VEGFC: variants seen among roughly 807,000 people sequenced by gnomAD.
The protein encoded by VEGFC is vascular endothelial growth factor C.
VEGFC carries 12 observed loss-of-function variants against 46.1 expected under a neutral mutation model. That is an observed-to-expected ratio of 0.26 (90% CI 0.17 to 0.42). The LOEUF is 0.42. VEGFC is among the 10% of genes least tolerant of loss of function. VEGFC has a pLI of 1.00. For missense variants in VEGFC, 488 were observed against 529.4 expected, an observed-to-expected ratio of 0.92 and a Z score of 0.77; for synonymous variants, 232 against 195.5, an observed-to-expected ratio of 1.19 and a Z score of -1.56.
intron 1 of VEGFC, among the ~76,000 whole-genome samples, chr4:176,781,507 A>G (rs186232864): frequency 6.6e-6 from 1 of 152,374 alleles, no homozygotes; most frequent in African/African-American, 2.4e-5. Flanking sequence ...ATAGCCTCGC[A>G]TCTGGTATCT....
chr4:176,762,005 C>T (rs924324523), intron 1 of VEGFC, among the ~76,000 whole-genome samples: 3 of 152,098 alleles, frequency 2.0e-5, no homozygotes, highest in African/African-American at 7.2e-5. Context: ...TCTGTGCCAG[C>T]GAAGCTCAGG....
At chr4:176,691,197 G>A (rs1560934192) in intron 4 of VEGFC, among the ~76,000 whole-genome samples, 2 of 152,044 alleles carry the variant, frequency 1.3e-5, no homozygotes, top group African/African-American at 4.8e-5. Flanking sequence ...ATGGATAGAG[G>A]TTTAGTAAAA....
At chr4:176,750,394 TAG>T (rs1735322444) in intron 1 of VEGFC, among the ~76,000 whole-genome samples, 1 of 151,476 alleles carries the variant, frequency 6.6e-6, no homozygotes, top group African/African-American at 2.4e-5. Context: ...AAGTTTAAAA[TAG>T]AGACTGAAGA....
chr4:176,686,964 C>T (rs1016145540), intron 6 of VEGFC, among the ~76,000 whole-genome samples: 2 of 152,124 alleles, frequency 1.3e-5, no homozygotes, highest in Non-Finnish European at 2.9e-5. Context: ...ATATTCTGAG[C>T]TTGGATCTAA....
chr4:176,692,695 C>T (rs2110973048), intron 4 of VEGFC, among the ~76,000 whole-genome samples: 1 of 149,266 alleles, frequency 6.7e-6, no homozygotes, highest in Admixed American at 6.6e-5. Flanking sequence ...AACAAAAAGA[C>T]AGAAGTAACT....
chr4:176,742,404 G>T (rs970362534), intron 1 of VEGFC, among the ~76,000 whole-genome samples: 4 of 151,944 alleles, frequency 2.6e-5, no homozygotes, highest in Non-Finnish European at 4.4e-5. Flanking sequence ...GAGTGCAGAT[G>T]TCTGTTTGAC....
intron 3 of VEGFC, among the ~76,000 whole-genome samples, chr4:176,718,140 G>A (rs1220213136): frequency 6.6e-6 from 1 of 152,090 alleles, no homozygotes; most frequent in African/African-American, 2.4e-5. Flanking sequence ...TGTTCTTAAG[G>A]CAAATGTTAT....
chr4:176,757,692 C>A (rs1735459099), intron 1 of VEGFC, among the ~76,000 whole-genome samples: 1 of 151,892 alleles, frequency 6.6e-6, no homozygotes, highest in Non-Finnish European at 1.5e-5. Flanking sequence ...TCTAGTTGAA[C>A]ATACCGTCTG....
chr4:176,762,846 G>C (rs1430098479), intron 1 of VEGFC, among the ~76,000 whole-genome samples: 1 of 152,178 alleles, frequency 6.6e-6, no homozygotes, highest in South Asian at 2.1e-4. Context: ...GAACTTGACA[G>C]TTTAACAGGC....
At chr4:176,776,776 C>T (rs1735820304) in intron 1 of VEGFC, among the ~76,000 whole-genome samples, 1 of 152,154 alleles carries the variant, frequency 6.6e-6, no homozygotes, top group Non-Finnish European at 1.5e-5. Context: ...AAATTGTTAA[C>T]ATTCATAAAG....
intron 4 of VEGFC, among the ~76,000 whole-genome samples, chr4:176,694,652 C>T (rs1734274290): frequency 2.0e-5 from 3 of 151,048 alleles, no homozygotes; most frequent in Admixed American, 1.3e-4. Flanking sequence ...ACAGAACTCT[C>T]CACCCCAAAT....
chr4:176,758,354 C>G (rs1735469226), intron 1 of VEGFC, among the ~76,000 whole-genome samples: 1 of 152,250 alleles, frequency 6.6e-6, no homozygotes. Flanking sequence ...TCAGTCACCT[C>G]ACCGATCTAC....
At chr4:176,788,186 T>C (rs1419823307) in intron 1 of VEGFC, among the ~76,000 whole-genome samples, 1 of 152,242 alleles carries the variant, frequency 6.6e-6, no homozygotes, top group African/African-American at 2.4e-5. Flanking sequence ...CAGAAAATCT[T>C]GTTAAGCCTC....
In VEGFC at chr4:176,692,975, G is replaced by A. The variant is rs571107139; in HGVS notation, c.705-5048C>T. Among the ~76,000 whole-genome samples, 153 of 150,476 alleles carry A rather than the reference G, an allele frequency of 1.0e-3. 1 individual carries two copies. Among genetic ancestry groups the A allele is most frequent in the Middle Eastern group, 3.4e-3 (1 of 294 alleles). On this transcript the variant is annotated intron_variant, in intron 4 of 6. Transcript: ENST00000618562. ...GGACATCCACACCGAAAACCCATCT[G>A]TACATCACCATCATCAAAGACCAAA... is the stretch of plus-strand genomic sequence containing the variant.
At chr4:176,758,731 T>C (rs969294296) in intron 1 of VEGFC, among the ~76,000 whole-genome samples, 3 of 152,270 alleles carry the variant, frequency 2.0e-5, no homozygotes, top group South Asian at 4.1e-4. Flanking sequence ...TTTTCCATGA[T>C]GTCTACCTCT....
chr4:176,746,928 C>T (rs1289116369), intron 1 of VEGFC, among the ~76,000 whole-genome samples: 1 of 152,114 alleles, frequency 6.6e-6, no homozygotes, highest in African/African-American at 2.4e-5. Flanking sequence ...CAGAAATTTA[C>T]TCATTGCTTG....
Position 176,729,633 on chromosome 4 carries a change from T to C in VEGFC, c.261A>G (p.Lys87=), listed in dbSNP as rs762308615. The stretch of plus-strand genomic sequence containing the variant: ...GTTCTCTGTTATGTTGCCAGCCTCC[T>C]TTCCTTAGCTGACACTTGTACATTT... The part of the protein sequence containing the change: ...YWKMYKCQLR[K]GGWQHNREQA... Residue 87 remains lysine (K), a synonymous_variant, in exon 2 of 7, where the codon AAA becomes AAG. Coordinates refer to ENST00000618562, the MANE Select transcript of VEGFC (RefSeq NM_005429.5). 6.2e-7 allele frequency: 1 copy of C among 1,613,910 alleles called. No individual in the cohort carries two copies. The highest frequency in any genetic ancestry group is 1.1e-5 in the South Asian group (1 of 91,086).
chr4:176,760,794 C>T (rs918236336), intron 1 of VEGFC, among the ~76,000 whole-genome samples: 5 of 152,054 alleles, frequency 3.3e-5, no homozygotes, highest in African/African-American at 1.2e-4. Flanking sequence ...ATGCTGACTC[C>T]AAAACAATGA....
chr4:176,788,342 A>G (rs1319318372), intron 1 of VEGFC, among the ~76,000 whole-genome samples: 1 of 152,228 alleles, frequency 6.6e-6, no homozygotes, highest in African/African-American at 2.4e-5. Flanking sequence ...GGACCTAAAT[A>G]AATGCAACAA....
Sources: gnomAD v4.1 joint callset for allele counts (sites outside exome capture counted in the v4.1 genomes callset) on GRCh38, gnomAD v4.1.1 for gene constraint, MANE v1.5 for transcripts, NCBI Gene and HGNC (gene_info 2026-07-23, HGNC 2026-07-21) for gene names.